Variants in SLC4A7 observed in about 807,000 individuals in gnomAD.
The protein encoded by SLC4A7 is solute carrier family 4 member 7.
Under a neutral mutation model 137.6 loss-of-function variants are expected in SLC4A7, and 51 were observed. The ratio of observed to expected loss-of-function variants is 0.37; its 90% confidence interval spans 0.30 to 0.47. The LOEUF is 0.47. SLC4A7 is among the 20% of genes least tolerant of loss of function. The probability of loss-of-function intolerance (pLI) is 1.00; values close to 1 mark genes in which losing one functional copy is unlikely to be tolerated. For synonymous variants in SLC4A7, 542 were observed against 518.6 expected (o/e 1.05, Z -0.61); for missense variants, 1,247 against 1,525.4 (o/e 0.82, Z 3.04).
At chr3:27,443,025 TTTTTTTC>T (rs1266097213) in intron 3 of SLC4A7, among the ~76,000 whole-genome samples, 32 of 82,602 alleles carry the variant, frequency 3.9e-4, no homozygotes, top group South Asian at 2.2e-3. Flanking sequence ...CTCTTTTTTC[TTTTTTTC>T]TTTTTTTTTT....
At chr3:27,405,236 C>T (rs956062911) in intron 13 of SLC4A7, among the ~76,000 whole-genome samples, 1 of 152,094 alleles carries the variant, frequency 6.6e-6, no homozygotes, top group Admixed American at 6.5e-5. Context: ...TAATCCAAAA[C>T]TCCACACTCC....
chr3:27,464,987 G>A (rs2058903959), intron 1 of SLC4A7, among the ~76,000 whole-genome samples: 5 of 151,960 alleles, frequency 3.3e-5, no homozygotes, highest in Admixed American at 1.3e-4. Context: ...ACCTTTCAAA[G>A]TATCTGCGTG....
chr3:27,447,640 CTTTTTTT>C (rs71087609), intron 3 of SLC4A7, among the ~76,000 whole-genome samples: 5 of 99,724 alleles, frequency 5.0e-5, no homozygotes, highest in Middle Eastern at 7.5e-3. Context: ...TTTTACAGCC[CTTTTTTT>C]TTTTTTTTTT....
intron 18 of SLC4A7, among the ~76,000 whole-genome samples, chr3:27,397,171 G>T (rs1385752457): frequency 6.6e-6 from 1 of 152,258 alleles, no homozygotes; most frequent in South Asian, 2.1e-4. Flanking sequence ...GGGATTACAG[G>T]CGCCCGCCAC....
intron 1 of SLC4A7, among the ~76,000 whole-genome samples, chr3:27,465,963 A>AAAAG (rs1180370782): frequency 1.1e-4 from 16 of 143,602 alleles, no homozygotes; most frequent in African/African-American, 2.8e-4. Context: ...CAAAAAAAAA[A>AAAAG]AAAGAAAGAA....
chr3:27,446,618 A>G lies in SLC4A7; in HGVS notation c.289+2033T>C, dbSNP rs73048102. Among the ~76,000 whole-genome samples the G allele has an allele frequency of 9.1e-3, 1,393 of 152,264 alleles. 20 individuals are homozygous for G. The highest frequency in any genetic ancestry group is 0.065 in the East Asian group (335 of 5,180). ...CTGTGTGCCTTTTTACTCAGTATGAATTAGAGAAGCATACTGATCCATTTA... is the reference window on the plus strand; with the variant it reads ...CTGTGTGCCTTTTTACTCAGTATGAGTTAGAGAAGCATACTGATCCATTTA... On this transcript the variant is annotated intron_variant, in intron 3 of 25. Transcript: ENST00000454389.
At chr3:27,452,258 G>A (rs2058123042) in intron 2 of SLC4A7, among the ~76,000 whole-genome samples, 159 bp downstream of exon 2, 1 of 152,012 alleles carries the variant, frequency 6.6e-6, no homozygotes, top group South Asian at 2.1e-4. Flanking sequence ...TCTATCTTTT[G>A]CCAATACTTT....
rs777736755 is a variant in SLC4A7, at chr3:27,404,974, A to C, written c.1942-11T>G. ...AGACTCTATTGCACTCTGTTTAAGG[A>C]AAAAAGAAATGAATAAAAGCAATAC... On this transcript the variant is annotated splice_polypyrimidine_tract_variant and intron_variant, in intron 13 of 25. Transcript: ENST00000454389. The C allele has an allele frequency of 6.4e-7, 1 of 1,552,190 alleles. No homozygotes were observed. The highest frequency in any genetic ancestry group is 1.3e-5 in the South Asian group (1 of 78,544).
intron 1 of SLC4A7, chr3:27,456,605 C>G (rs1248346096): frequency 7.7e-7 from 1 of 1,299,020 alleles, no homozygotes; most frequent in Admixed American, 1.7e-5. Flanking sequence ...AACTCTGATT[C>G]AAATTCGTTT....
intron 11 of SLC4A7, among the ~76,000 whole-genome samples, chr3:27,413,307 A>T (rs2054086212): frequency 6.6e-6 from 1 of 152,196 alleles, no homozygotes; most frequent in South Asian, 2.1e-4. Context: ...ATGACAAAAG[A>T]TTCAAGCTCA....
chr3:27,416,036 T>C (rs2054351039), intron 11 of SLC4A7, among the ~76,000 whole-genome samples: 1 of 152,214 alleles, frequency 6.6e-6, no homozygotes, highest in South Asian at 2.1e-4. Context: ...GACTTTTCTC[T>C]TTTTCTTAGG....
chr3:27,403,219 C>T lies in SLC4A7; in HGVS notation c.2241G>A (p.Glu747=). 4 of 1,613,902 alleles carry T rather than the reference C, an allele frequency of 2.5e-6. No individual in the cohort carries two copies. Among genetic ancestry groups the T allele is most frequent in the Non-Finnish European group, 3.4e-6 (4 of 1,179,928 alleles). The part of the protein sequence containing the change: ...AALICIIFIY[E]ALEKLFDLGE... ...CTAAATCAAAGAGCTTCTCCAAAGC[C>T]TCGTAGATGAATATGATGCAAATAA... Residue 747 remains glutamate, a synonymous_variant, in exon 15 of 26, where the codon GAG becomes GAA. Coordinates refer to ENST00000454389, the MANE Select transcript of SLC4A7 (RefSeq NM_001321103.2).
intron 3 of SLC4A7, 96 bp downstream of exon 3, chr3:27,448,555 T>C (rs944951580): frequency 2.0e-6 from 2 of 997,502 alleles, no homozygotes; most frequent in Non-Finnish European, 3.0e-6. Flanking sequence ...CATTAATGCA[T>C]ACATACAATT....
intron 24 of SLC4A7, 101 bp downstream of exon 24, chr3:27,383,052 C>A (rs2050580378): frequency 1.4e-6 from 1 of 739,004 alleles, no homozygotes; most frequent in Non-Finnish European, 2.3e-6. Context: ...ATTGTATCAT[C>A]TTTTATAAAA....
intron 1 of SLC4A7, among the ~76,000 whole-genome samples, chr3:27,467,508 A>C (rs922127616): frequency 6.6e-6 from 1 of 152,250 alleles, no homozygotes; most frequent in Non-Finnish European, 1.5e-5. Context: ...ATACTATAAC[A>C]AACATGAAGG....
At chr3:27,432,266 T>C (rs975791239) in intron 6 of SLC4A7, among the ~76,000 whole-genome samples, 1 of 152,174 alleles carries the variant, frequency 6.6e-6, no homozygotes, top group Non-Finnish European at 1.5e-5. Flanking sequence ...CAGAAATTTT[T>C]TAAAAAGAGA....
rs1207491021 is a variant in SLC4A7, at chr3:27,421,771, C to T, written c.1275G>A (p.Met425Ile). 6.2e-7 allele frequency: 1 copy of T among 1,610,034 alleles called. No individual in the cohort carries two copies. The highest frequency in any genetic ancestry group is 2.2e-5 in the East Asian group (1 of 44,848). Reference sequence around the variant, plus strand: ...CCGTAGGAATTTTTCTCATGAAATTCATATCAACCTATTGACAAATAAATA... The same window carrying T: ...CCGTAGGAATTTTTCTCATGAAATTTATATCAACCTATTGACAAATAAATA... ...NSTVDFSKVD[M>I]NFMRKIPTGA... Residue 425 changes from methionine (M) to isoleucine (I), a missense_variant, in exon 9 of 26, where the codon ATG (methionine) becomes ATA (isoleucine). Transcript: ENST00000454389.
chr3:27,377,114 G>A (rs1033173297), intron 25 of SLC4A7, among the ~76,000 whole-genome samples: 1 of 151,880 alleles, frequency 6.6e-6, no homozygotes, highest in African/African-American at 2.4e-5. Flanking sequence ...CTTAAAATAG[G>A]GCAGTATATG....
Position 27,434,054 on chromosome 3 carries a change from G to T in SLC4A7, c.640C>A (p.Arg214=). Residue 214 remains arginine (R), a synonymous_variant, in exon 6 of 26, where the codon CGA becomes AGA. Coordinates refer to ENST00000454389, the MANE Select transcript of SLC4A7 (RefSeq NM_001321103.2). ...AGAAGAGCTTCTCTGACATTCTCTC[G>T]TATGGACTCGTCTAATTGGCCAGAA... is the stretch of plus-strand genomic sequence containing the variant. ...IASGQLDESI[R]ENVREALLKR... is the part of the protein sequence containing the mutation. The T allele has an allele frequency of 6.2e-7, 1 of 1,613,304 alleles. No homozygotes were observed.
Sources: allele counts gnomAD v4.1 joint callset (sites outside exome capture counted in the v4.1 genomes callset), GRCh38; gene constraint gnomAD v4.1.1; transcripts MANE v1.5; gene names NCBI Gene and HGNC (gene_info 2026-07-23, HGNC 2026-07-21).